ST6GALNAC5: variants seen among roughly 807,000 people sequenced by gnomAD.
ST6GALNAC5 encodes ST6 N-acetylgalactosaminide alpha-2,6-sialyltransferase 5, also known as alpha-N-acetylgalactosaminide alpha-2,6-sialyltransferase 5.
A neutral mutation model predicts 33.6 loss-of-function variants in ST6GALNAC5; 27 were observed. The ratio of observed to expected loss-of-function variants is 0.80; its 90% CI spans 0.59 to 1.11. The LOEUF is 1.11. ST6GALNAC5 is among the 50% of genes least tolerant of loss of function. The pLI is 0.00. For synonymous variants in ST6GALNAC5, 194 were observed against 171.2 expected (o/e 1.13, Z -1.04); for missense variants, 428 against 454.0 (o/e 0.94, Z 0.52).
intron 2 of ST6GALNAC5, among the ~76,000 whole-genome samples, chr1:76,927,694 G>A (rs1264029951): frequency 6.6e-6 from 1 of 151,950 alleles, no homozygotes; most frequent in Non-Finnish European, 1.5e-5. Context: ...TGTTTTAATG[G>A]GACATGAGGT....
chr1:77,000,734 T>C (rs1650118202), intron 2 of ST6GALNAC5, among the ~76,000 whole-genome samples: 1 of 150,284 alleles, frequency 6.7e-6, no homozygotes, highest in Non-Finnish European at 1.5e-5. Context: ...CCCAGCACCA[T>C]TTATTAAATA....
intron 2 of ST6GALNAC5, among the ~76,000 whole-genome samples, chr1:76,984,902 C>G (rs1460615521): frequency 6.6e-6 from 1 of 152,138 alleles, no homozygotes; most frequent in East Asian, 1.9e-4. Context: ...TAAACAGAAC[C>G]AATGACAGAA....
At chr1:76,986,223 A>C (rs1557749176) in intron 2 of ST6GALNAC5, among the ~76,000 whole-genome samples, 5 of 152,234 alleles carry the variant, frequency 3.3e-5, no homozygotes, top group Non-Finnish European at 7.3e-5. Context: ...CAGAGTGAGC[A>C]GACAACCTAA....
Position 77,052,626 on chromosome 1 carries a change from A to G in ST6GALNAC5, c.779+2261A>G, listed in dbSNP as rs554229980. Among the ~76,000 whole-genome samples, 5 of 152,092 alleles carry G rather than the reference A, an allele frequency of 3.3e-5. No homozygotes were observed. In the South Asian group the frequency reaches 6.2e-4, roughly 19 times the overall value. On this transcript the variant is annotated intron_variant, in intron 4 of 4. Coordinates refer to ENST00000477717, the MANE Select transcript of ST6GALNAC5 (RefSeq NM_030965.3). ...GCACTTGAGAGTTTCCCTGAAAGAT[A>G]CCAAGAATTCTGAGCAGGGGGCTGG...
At chr1:76,995,503 T>C (rs1409194092) in intron 2 of ST6GALNAC5, 1 of 152,198 alleles carries the variant, frequency 6.6e-6, no homozygotes. Context: ...GACTATCTTA[T>C]TGACGGACAA....
chr1:76,976,023 A>G (rs1648996763), intron 2 of ST6GALNAC5, among the ~76,000 whole-genome samples: 1 of 152,180 alleles, frequency 6.6e-6, no homozygotes, highest in South Asian at 2.1e-4. Context: ...TGAAACCCGG[A>G]GGTGGAGACT....
chr1:76,906,263 C>T (rs974650840), intron 2 of ST6GALNAC5, among the ~76,000 whole-genome samples: 2 of 152,138 alleles, frequency 1.3e-5, no homozygotes, highest in Admixed American at 1.3e-4. Flanking sequence ...TTGCACACCC[C>T]TAACCAAAGT....
At chr1:76,991,835 G>T (rs1173175299) in intron 2 of ST6GALNAC5, among the ~76,000 whole-genome samples, 1 of 119,654 alleles carries the variant, frequency 8.4e-6, no homozygotes, top group Non-Finnish European at 1.6e-5. Context: ...ACTCACGCGT[G>T]TGCGCACACA....
chr1:76,927,110 T>C (rs1215398447), intron 2 of ST6GALNAC5, among the ~76,000 whole-genome samples: 1 of 152,114 alleles, frequency 6.6e-6, no homozygotes. Context: ...TGTCTTTTGA[T>C]TTATGATGTC....
At chr1:76,932,747 C>T (rs1335973791) in intron 2 of ST6GALNAC5, among the ~76,000 whole-genome samples, 2 of 152,108 alleles carry the variant, frequency 1.3e-5, no homozygotes, top group African/African-American at 2.4e-5. Context: ...CACATGCAGA[C>T]TTTGCTCATG....
chr1:77,008,692 G>C (rs183579805), intron 2 of ST6GALNAC5, among the ~76,000 whole-genome samples: 1 of 152,036 alleles, frequency 6.6e-6, no homozygotes, highest in Non-Finnish European at 1.5e-5. Context: ...ACCACACCCG[G>C]TTAATTTTTG....
At chr1:76,943,838 A>T (rs934050148) in intron 2 of ST6GALNAC5, among the ~76,000 whole-genome samples, 9 of 152,152 alleles carry the variant, frequency 5.9e-5, no homozygotes, top group Admixed American at 4.6e-4. Context: ...ATTCATGGAA[A>T]CTACTTATAA....
At chr1:76,924,994 G>A (rs1383559315) in intron 2 of ST6GALNAC5, among the ~76,000 whole-genome samples, 1 of 152,118 alleles carries the variant, frequency 6.6e-6, no homozygotes, top group Admixed American at 6.5e-5. Flanking sequence ...TTCACAGGAA[G>A]CATGGCACTG....
At chr1:76,897,613 G>A (rs990115832) in intron 2 of ST6GALNAC5, among the ~76,000 whole-genome samples, 8 of 151,188 alleles carry the variant, frequency 5.3e-5, no homozygotes, top group African/African-American at 2.0e-4. Context: ...TATACTTGTG[G>A]GTTAAGGTGG....
At chr1:76,893,060 T>C (rs1415936923) in intron 2 of ST6GALNAC5, among the ~76,000 whole-genome samples, 1 of 152,126 alleles carries the variant, frequency 6.6e-6, no homozygotes, top group African/African-American at 2.4e-5. Context: ...ATATCATCCA[T>C]ATATGCACTC....
intron 2 of ST6GALNAC5, among the ~76,000 whole-genome samples, chr1:77,022,040 C>T (rs910034726): frequency 6.6e-6 from 1 of 152,178 alleles, no homozygotes; most frequent in African/African-American, 2.4e-5. Context: ...ACAAAATGCA[C>T]ATCTAGGGAA....
chr1:76,914,941 A>T (rs1344687092), intron 2 of ST6GALNAC5, among the ~76,000 whole-genome samples: 2 of 151,626 alleles, frequency 1.3e-5, no homozygotes, highest in African/African-American at 4.8e-5. Flanking sequence ...CAACCTACTC[A>T]TCTGACAAAG....
At chr1:76,908,245 G>A (rs1646882227) in intron 2 of ST6GALNAC5, among the ~76,000 whole-genome samples, 1 of 152,096 alleles carries the variant, frequency 6.6e-6, no homozygotes, top group Admixed American at 6.6e-5. Flanking sequence ...TCTGGAGGCT[G>A]GGAAGTCCAA....
At chr1:76,926,727 G>A (rs921967473) in intron 2 of ST6GALNAC5, among the ~76,000 whole-genome samples, 2 of 152,010 alleles carry the variant, frequency 1.3e-5, no homozygotes, top group African/African-American at 4.8e-5. Flanking sequence ...GTTCAATTTT[G>A]ATAAGTATTT....
Sources: allele counts gnomAD v4.1 joint callset (sites outside exome capture counted in the v4.1 genomes callset), GRCh38; gene constraint gnomAD v4.1.1; transcripts MANE v1.5; gene names NCBI Gene and HGNC (gene_info 2026-07-23, HGNC 2026-07-21).